RYR2: variants seen among roughly 807,000 people sequenced by gnomAD.
The protein encoded by RYR2 is ryanodine receptor 2.
Under a neutral mutation model 601.1 loss-of-function variants are expected in RYR2, and 227 were observed. The observed-to-expected ratio is 0.38, with a 90% CI of 0.34 to 0.42. The LOEUF is 0.42. Ranked by LOEUF, RYR2 falls within the 10% of genes least tolerant of loss-of-function variation. The pLI is 1.00. For missense variants in RYR2, 4,646 were observed against 6,156.5 expected (o/e 0.75, Z 8.21); for synonymous variants, 2,223 against 2,175.1 (o/e 1.02, Z -0.61).
intron 16 of RYR2, among the ~76,000 whole-genome samples, chr1:237,464,236 A>T (rs181256021): frequency 6.6e-6 from 1 of 152,140 alleles, no homozygotes; most frequent in African/African-American, 2.4e-5. Flanking sequence ...ATGTTGGTAC[A>T]TTTTAGGGGC....
intron 35 of RYR2, among the ~76,000 whole-genome samples, chr1:237,604,574 A>G (rs1244246843): frequency 6.6e-6 from 1 of 152,238 alleles, no homozygotes; most frequent in Non-Finnish European, 1.5e-5. Context: ...CTAAGATCCG[A>G]GCAGAACTGA....
chr1:237,320,245 T>TTATTTAAATTTAAATAAAAAA (rs1695502869), intron 2 of RYR2, among the ~76,000 whole-genome samples: 2 of 152,292 alleles, frequency 1.3e-5, no homozygotes, highest in African/African-American at 4.8e-5. Context: ...GTGCATATAA[T>TTATTTAAATTTAAATAAAAAA]TTATTTAAAA....
rs1664580074 is a variant in RYR2 at position 237,501,026 on chromosome 1, C to G, written c.2396+123C>G. 7.4e-6 allele frequency: 7 copies of G among 943,390 alleles called. No homozygotes were observed. The East Asian group carries it at 1.8e-4, about 24-fold the overall frequency. The allele number at this position is 943,390 out of a possible 1,614,324, so 58.4% of individuals were successfully genotyped here. On this transcript the variant is annotated intron_variant, in intron 21 of 104. Transcript: ENST00000366574. ...TTTGTCTCTCCTGGGCACCTGTCCTCTGCGCATTTTGCCTGTGCCTTGAAG... is the reference window on the plus strand; with the variant it reads ...TTTGTCTCTCCTGGGCACCTGTCCTGTGCGCATTTTGCCTGTGCCTTGAAG...
At chr1:237,382,775 T>C (rs1701640926) in intron 8 of RYR2, among the ~76,000 whole-genome samples, 1 of 152,164 alleles carries the variant, frequency 6.6e-6, no homozygotes, top group Non-Finnish European at 1.5e-5. Flanking sequence ...ATAAATATTT[T>C]CAAGTGATTT....
chr1:237,408,125 C>T (rs1390215741), intron 10 of RYR2, among the ~76,000 whole-genome samples: 1 of 151,932 alleles, frequency 6.6e-6, no homozygotes, highest in Non-Finnish European at 1.5e-5. Flanking sequence ...TCTAAAACAT[C>T]ATTGTCAAAT....
chr1:237,742,437 A>G (rs1691698316), intron 80 of RYR2, 88 bp downstream of exon 80: 7 of 1,002,150 alleles, frequency 7.0e-6, no homozygotes, highest in Non-Finnish European at 7.7e-6. Flanking sequence ...TTCTTGCTTC[A>G]TGGCTTATTG....
At chr1:237,645,554 C>T (rs1187497401) in intron 48 of RYR2, among the ~76,000 whole-genome samples, 1 of 152,138 alleles carries the variant, frequency 6.6e-6, no homozygotes, top group Non-Finnish European at 1.5e-5. Context: ...TTTGTAATAA[C>T]ATAATAACAA....
intron 1 of RYR2, among the ~76,000 whole-genome samples, chr1:237,194,590 C>A (rs942835235): frequency 6.6e-6 from 1 of 152,146 alleles, no homozygotes; most frequent in Non-Finnish European, 1.5e-5. Context: ...TCAATACTGA[C>A]CACCAATATA....
intron 1 of RYR2, among the ~76,000 whole-genome samples, chr1:237,060,181 T>C (rs575266768): frequency 1.0e-3 from 157 of 152,296 alleles, no homozygotes; most frequent in Middle Eastern, 3.4e-3. Flanking sequence ...TCCACAGAAA[T>C]ACAAATTATA....
rs769248837 is a variant in RYR2 at position 237,614,274 on chromosome 1, A to T, written c.5146A>T (p.Thr1716Ser). 3 of 1,613,892 alleles carry T rather than the reference A, an allele frequency of 1.9e-6. No homozygotes were observed. In the Admixed American group the frequency reaches 5.0e-5, roughly 27 times the overall value. Residue 1716 changes from threonine to serine, a missense_variant, in exon 37 of 105, where the codon ACT (threonine) becomes TCT (serine). Thr to Ser is a moderately conservative substitution (Grantham distance 58). Transcript: ENST00000366574. This position sits in a 1 kb window ranked among gnomAD's most constrained non-coding sequence, Gnocchi z 4.3. ...TGACATCCACCTGAGCTCCTATGCC[A>T]CTGCCAGGCTCATGATGAACAACGA... The part of the protein sequence containing the change: ...LIDIHLSSYA[T>S]ARLMMNNEYI...
At chr1:237,302,932 A>G (rs569246124) in intron 2 of RYR2, among the ~76,000 whole-genome samples, 4 of 152,316 alleles carry the variant, frequency 2.6e-5, no homozygotes, top group African/African-American at 7.2e-5. Context: ...ATAGTTTACA[A>G]TCTTCTGAGC....
intron 1 of RYR2, among the ~76,000 whole-genome samples, chr1:237,235,366 T>C (rs1685453942): frequency 6.6e-6 from 1 of 152,190 alleles, no homozygotes; most frequent in Admixed American, 6.5e-5. Flanking sequence ...CTGGAGCTAG[T>C]GTTCAGCTGA....
intron 1 of RYR2, among the ~76,000 whole-genome samples, chr1:237,183,005 T>G (rs1678955683): frequency 6.6e-6 from 1 of 152,136 alleles, no homozygotes; most frequent in Non-Finnish European, 1.5e-5. Context: ...AACAGGTAAC[T>G]CTGGTTTAGT....
intron 34 of RYR2, among the ~76,000 whole-genome samples, chr1:237,597,011 T>C (rs1675964310): frequency 6.6e-6 from 1 of 152,220 alleles, no homozygotes; most frequent in South Asian, 2.1e-4. Flanking sequence ...AAGGCAGTGC[T>C]AAAGCTGGAA....
In RYR2 at chr1:237,746,714, A is replaced by T. The variant is rs190545335; in HGVS notation, c.11145+4365A>T. The stretch of plus-strand genomic sequence containing the variant: ...TTTTTAGGTTTGGAGCTACTTCTCT[A>T]TCAAAAGCATTAAAAAGAACAGTTA... On this transcript the variant is annotated intron_variant, in intron 80 of 104. Coordinates refer to ENST00000366574, the MANE Select transcript of RYR2 (RefSeq NM_001035.3). Among the ~76,000 whole-genome samples, 6 of 152,302 alleles carry T rather than the reference A, an allele frequency of 3.9e-5. No homozygotes were observed. The South Asian group carries it at 1.2e-3, about 32-fold the overall frequency.
In RYR2 at chr1:237,722,805, T is replaced by A. The variant is rs150974515; in HGVS notation, c.10555-323T>A. Among the ~76,000 whole-genome samples the A allele has an allele frequency of 6.6e-5, 10 of 152,294 alleles. No homozygotes were observed. In the East Asian group the frequency reaches 1.7e-3, roughly 26 times the overall value. Reference sequence around the variant, plus strand: ...GATGTTTCAATATACATAAGCATAGTCACATGATTAGTGTAGTCAGACAAA... The same window carrying A: ...GATGTTTCAATATACATAAGCATAGACACATGATTAGTGTAGTCAGACAAA... On this transcript the variant is annotated intron_variant, in intron 73 of 104. Transcript: ENST00000366574.
chr1:237,798,246 A>C, intron 97 of RYR2, 76 bp downstream of exon 97: 1 of 1,365,300 alleles, frequency 7.3e-7, no homozygotes, highest in Non-Finnish European at 1.0e-6. Context: ...AAACTTGTGC[A>C]TTGATTTCCT....
chr1:237,649,712 A>T (rs1292975601), intron 49 of RYR2, among the ~76,000 whole-genome samples, 165 bp from the exon 50 acceptor site: 2 of 152,214 alleles, frequency 1.3e-5, no homozygotes, highest in African/African-American at 4.8e-5. Context: ...TAGTGGTAAA[A>T]ATCATATGAA....
chr1:237,441,625 T>C (rs1707911047), intron 13 of RYR2, 142 bp downstream of exon 13: 2 of 644,076 alleles, frequency 3.1e-6, no homozygotes, highest in South Asian at 2.9e-5. Context: ...TCCACTGTAA[T>C]AGACTCTTTA....
Sources: gnomAD v4.1 joint callset for allele counts (sites outside exome capture counted in the v4.1 genomes callset) on GRCh38, gnomAD v4.1.1 for gene constraint, Gnocchi (gnomAD v3.1) non-coding constraint, MANE v1.5 for transcripts, NCBI Gene and HGNC (gene_info 2026-07-23, HGNC 2026-07-21) for gene names.